The following FLNB variants were observed in gnomAD, a reference collection of about 807,000 sequenced individuals.
The protein encoded by FLNB is filamin B.
Under a neutral mutation model 250.6 loss-of-function variants are expected in FLNB, and 111 were observed. The ratio of observed to expected loss-of-function variants is 0.44; its 90% CI spans 0.38 to 0.52. The LOEUF (loss-of-function observed/expected upper bound fraction) is 0.52. Ranked by LOEUF, FLNB falls within the 20% of genes least tolerant of loss-of-function variation. The pLI is 0.00. For synonymous variants in FLNB, 1,302 were observed against 1,372.1 expected (o/e 0.95, Z 1.13); for missense variants, 2,869 against 3,447.8 (o/e 0.83, Z 4.20).
chr3:58,081,326 T>C (rs1191300551), intron 3 of FLNB, among the ~76,000 whole-genome samples: 2 of 152,184 alleles, frequency 1.3e-5, no homozygotes, highest in Non-Finnish European at 2.9e-5. Context: ...CCTTTTATCA[T>C]TTTTGAAATT....
chr3:58,019,269 A>G (rs1185075998), intron 1 of FLNB, among the ~76,000 whole-genome samples: 2 of 152,168 alleles, frequency 1.3e-5, no homozygotes, highest in South Asian at 2.1e-4. Context: ...CTGTACGCCA[A>G]TGAGAATTCC....
In FLNB at chr3:58,090,412, G is replaced by A. The variant is rs114051170; in HGVS notation, c.788-4424G>A. Among the ~76,000 whole-genome samples, 875 of 152,212 alleles carry A rather than the reference G, an allele frequency of 5.7e-3. 11 individuals carry two copies. The highest frequency in any genetic ancestry group is 0.02 in the African/African-American group (825 of 41,526). On this transcript the variant is annotated intron_variant, in intron 4 of 45. Coordinates refer to ENST00000295956, the MANE Select transcript of FLNB (RefSeq NM_001457.4). ...CTAAAATATAATGATAAAAAGTATA[G>A]CATATTAAATACATAAACCAGTAGC...
intron 1 of FLNB, among the ~76,000 whole-genome samples, chr3:58,040,839 G>A (rs2097145142): frequency 6.6e-6 from 1 of 152,210 alleles, no homozygotes; most frequent in South Asian, 2.1e-4. Context: ...TCCCATTCAT[G>A]TGTGGGAGTT....
chr3:58,065,821 A>T (rs560502538), intron 1 of FLNB, among the ~76,000 whole-genome samples: 1 of 152,356 alleles, frequency 6.6e-6, no homozygotes, highest in African/African-American at 2.4e-5. Flanking sequence ...TCACCACATG[A>T]CAAACTGAGC....
chr3:58,123,123 G>A lies in FLNB; in HGVS notation c.3157G>A (p.Gly1053Ser). Residue 1053 changes from glycine to serine, a missense_variant, in exon 21 of 46, where the codon GGT becomes AGT. Physicochemically the swap from Gly to Ser is moderately conservative, Grantham distance 56. Coordinates refer to ENST00000295956, the MANE Select transcript of FLNB (RefSeq NM_001457.4). The part of the protein sequence containing the change: ...VKAHGPGLEG[G>S]LVGKPAEFTI... The stretch of plus-strand genomic sequence containing the variant: ...GGCCCACGGTCCCGGCCTCGAAGGT[G>A]GTCTCGTGGGCAAGCCTGCCGAGTT... 1 of 1,614,184 alleles carries A rather than the reference G, an allele frequency of 6.2e-7. No individual in the cohort carries two copies. Among genetic ancestry groups the A allele is most frequent in the Non-Finnish European group, 8.5e-7 (1 of 1,180,028 alleles).
intron 1 of FLNB, among the ~76,000 whole-genome samples, chr3:58,051,810 T>TC (rs898805639): frequency 1.3e-5 from 2 of 152,056 alleles, no homozygotes; most frequent in African/African-American, 4.8e-5. Flanking sequence ...CAAGGTCATA[T>TC]CCCCGGCATT....
chr3:58,118,781 G>A (rs565727424), intron 18 of FLNB, 91 bp from the exon 19 acceptor site: 108 of 899,088 alleles, frequency 1.2e-4, no homozygotes, highest in Middle Eastern at 2.1e-4. Context: ...TCCCCTGTCC[G>A]TGAGAAGAAT....
chr3:58,019,785 C>T (rs2097111040), intron 1 of FLNB, among the ~76,000 whole-genome samples: 2 of 152,156 alleles, frequency 1.3e-5, no homozygotes, highest in South Asian at 4.1e-4. Context: ...GGCTACTTAC[C>T]ATATCTTTTC....
intron 1 of FLNB, among the ~76,000 whole-genome samples, chr3:58,030,493 G>T (rs773413894): frequency 9.2e-4 from 140 of 152,248 alleles, no homozygotes; most frequent in Non-Finnish European, 1.9e-3. Context: ...GACCAATCAG[G>T]CCTTCCCAGA....
chr3:58,078,932 C>CA, intron 3 of FLNB, 118 bp downstream of exon 3: 2 of 711,166 alleles, frequency 2.8e-6, no homozygotes, highest in Non-Finnish European at 5.1e-6. Flanking sequence ...GAGAGCATTG[C>CA]CTGTGATGCT....
At chr3:58,098,120 A>G in intron 7 of FLNB, 143 bp downstream of exon 7, 1 of 916,522 alleles carries the variant, frequency 1.1e-6, no homozygotes, top group Admixed American at 2.1e-5. Flanking sequence ...AATGTGTTAT[A>G]TTAGATTTTT....
chr3:58,040,785 G>A (rs376040394), intron 1 of FLNB, among the ~76,000 whole-genome samples: 11 of 152,194 alleles, frequency 7.2e-5, no homozygotes, highest in East Asian at 3.9e-4. Context: ...GTGAGCCACC[G>A]TCCCCAGCCA....
Position 58,095,005 on chromosome 3 carries a change from G to A in FLNB, c.906+51G>A, listed in dbSNP as rs776285380. ...TTTCCAGCACCTCATGGAGCTTTTG[G>A]GGCTTGTAATGCGGCCAGGGACTGT... On this transcript the variant is annotated intron_variant, in intron 5 of 45. Transcript: ENST00000295956. 3 of 1,419,902 alleles carry A rather than the reference G, an allele frequency of 2.1e-6. No individual in the cohort carries two copies. The African/African-American group carries it at 4.2e-5, about 20-fold the overall frequency. 88.0% of individuals were successfully genotyped at this position (1,419,902 alleles called of 1,614,324 possible).
chr3:58,012,036 C>T (rs892147351), intron 1 of FLNB, among the ~76,000 whole-genome samples: 16 of 151,988 alleles, frequency 1.1e-4, no homozygotes, highest in South Asian at 4.1e-4. Flanking sequence ...CATGGTGAAA[C>T]CCTAGCTCTA....
intron 18 of FLNB, among the ~76,000 whole-genome samples, chr3:58,116,629 GC>G (rs1291751875): frequency 6.6e-6 from 1 of 152,176 alleles, no homozygotes; most frequent in African/African-American, 2.4e-5. Flanking sequence ...AGCGCGTTTT[GC>G]CTTAGAGGAA....
intron 23 of FLNB, 147 bp from the exon 24 acceptor site, chr3:58,126,455 G>A: frequency 1.4e-6 from 1 of 705,148 alleles, no homozygotes; most frequent in South Asian, 1.7e-5. Context: ...TTATACTAAT[G>A]TGAAATTCCC....
intron 11 of FLNB, among the ~76,000 whole-genome samples, chr3:58,106,409 G>A: frequency 7.0e-6 from 1 of 142,732 alleles, no homozygotes; most frequent in East Asian, 2.0e-4. Context: ...ACCTGCCTCG[G>A]CCCTCCCAAA....
At chr3:58,026,828 G>A (rs2097124245) in intron 1 of FLNB, among the ~76,000 whole-genome samples, 2 of 152,164 alleles carry the variant, frequency 1.3e-5, no homozygotes, top group South Asian at 2.1e-4. Flanking sequence ...GCCAGGGAAC[G>A]CCCAACACCT....
At chr3:58,022,927 C>G (rs922883072) in intron 1 of FLNB, among the ~76,000 whole-genome samples, 1 of 151,812 alleles carries the variant, frequency 6.6e-6, no homozygotes, top group African/African-American at 2.4e-5. Context: ...AAGCGATTCT[C>G]TTGCCTCAGC....
Sources: gnomAD v4.1 joint callset for allele counts (sites outside exome capture counted in the v4.1 genomes callset) on GRCh38, gnomAD v4.1.1 for gene constraint, MANE v1.5 for transcripts, NCBI Gene and HGNC (gene_info 2026-07-23, HGNC 2026-07-21) for gene names.